The following TBC1D5 variants were observed in gnomAD, a reference collection of about 807,000 sequenced individuals.
The protein encoded by TBC1D5 is TBC1 domain family, member 5.
TBC1D5 carries 75 observed loss-of-function variants against 100.3 expected under a neutral mutation model. The ratio of observed to expected loss-of-function variants is 0.75; its 90% CI spans 0.62 to 0.91. TBC1D5 has a LOEUF of 0.91. TBC1D5 is among the 40% of genes least tolerant of loss of function. The probability of loss-of-function intolerance (pLI) is 0.00; values close to 1 mark genes in which losing one functional copy is unlikely to be tolerated. For synonymous variants in TBC1D5, 323 were observed against 325.6 expected (o/e 0.99, Z 0.09); for missense variants, 910 against 942.4 (o/e 0.97, Z 0.45).
intron 15 of TBC1D5, among the ~76,000 whole-genome samples, chr3:17,263,551 C>G (rs1327285506): frequency 2.0e-5 from 3 of 152,108 alleles, no homozygotes; most frequent in African/African-American, 7.2e-5. Flanking sequence ...AAGTATCACT[C>G]AACTCTTTTC....
intron 2 of TBC1D5, among the ~76,000 whole-genome samples, chr3:17,584,501 T>C (rs1047644668): frequency 6.6e-6 from 1 of 152,172 alleles, no homozygotes; most frequent in African/African-American, 2.4e-5. Flanking sequence ...GGTTTTAGGA[T>C]GGGGGAACGT....
chr3:17,670,499 G>T (rs531657213), intron 1 of TBC1D5, among the ~76,000 whole-genome samples: 21 of 152,266 alleles, frequency 1.4e-4, no homozygotes, highest in African/African-American at 4.6e-4. Context: ...CAGTGGAAAG[G>T]GGGATCTCAC....
At position 17,361,148 on chromosome 3, in the gene TBC1D5, A is replaced by G. The variant is rs190831260; in HGVS notation, c.995+10927T>C. 3.3e-5 allele frequency among the ~76,000 whole-genome samples: 5 copies of G among 152,148 alleles called. No individual in the cohort carries two copies. In the East Asian group the frequency reaches 9.7e-4, roughly 29 times the overall value. On this transcript the variant is annotated intron_variant, in intron 13 of 21. Coordinates refer to ENST00000253692, the Ensembl canonical transcript of TBC1D5. The stretch of plus-strand genomic sequence containing the variant: ...TTCACAATCAAGTCTCTATGTAACT[A>G]TTTACGTGACTGGAACGCTATTTCC...
chr3:17,233,351 C>T (rs1296220031), intron 17 of TBC1D5, among the ~76,000 whole-genome samples: 1 of 152,222 alleles, frequency 6.6e-6, no homozygotes, highest in Middle Eastern at 3.4e-3. Context: ...CACAGAGCAC[C>T]AGTGTAACAA....
chr3:17,395,957 G>A (rs950237564), intron 8 of TBC1D5, among the ~76,000 whole-genome samples: 5 of 152,060 alleles, frequency 3.3e-5, no homozygotes, highest in Non-Finnish European at 7.4e-5. Context: ...TAATTATTTT[G>A]CTTTTATCTT....
intron 13 of TBC1D5, among the ~76,000 whole-genome samples, chr3:17,327,733 T>G (rs2086326715): frequency 6.6e-6 from 1 of 152,200 alleles, no homozygotes; most frequent in Non-Finnish European, 1.5e-5. Flanking sequence ...TAACATTACC[T>G]ATATTTCATG....
At chr3:17,552,924 G>A (rs1262015754) in intron 2 of TBC1D5, among the ~76,000 whole-genome samples, 2 of 152,050 alleles carry the variant, frequency 1.3e-5, no homozygotes, top group East Asian at 3.8e-4. Context: ...ATATCCTAAC[G>A]CATAACATGA....
intron 1 of TBC1D5, among the ~76,000 whole-genome samples, chr3:17,715,045 T>A (rs1037498042): frequency 3.3e-5 from 5 of 152,228 alleles, no homozygotes; most frequent in African/African-American, 1.2e-4. Flanking sequence ...TTATGTATTA[T>A]CAGAATTATC....
chr3:17,538,747 C>T (rs1160940136), intron 2 of TBC1D5, among the ~76,000 whole-genome samples: 2 of 152,136 alleles, frequency 1.3e-5, no homozygotes, highest in South Asian at 2.1e-4. Flanking sequence ...TACCTAAAGA[C>T]TAGAAACCCA....
intron 18 of TBC1D5, among the ~76,000 whole-genome samples, chr3:17,188,684 C>T (rs906499142): frequency 1.3e-5 from 2 of 152,192 alleles, no homozygotes; most frequent in African/African-American, 4.8e-5. Flanking sequence ...TATATAATTA[C>T]ACATAAAAGA....
intron 1 of TBC1D5, among the ~76,000 whole-genome samples, chr3:17,719,454 A>G (rs1243342732): frequency 6.6e-6 from 1 of 152,184 alleles, no homozygotes; most frequent in Non-Finnish European, 1.5e-5. Context: ...AAACTTAAAA[A>G]TCTAGATTTC....
intron 3 of TBC1D5, among the ~76,000 whole-genome samples, chr3:17,445,557 C>A (rs925857639): frequency 6.6e-6 from 1 of 152,046 alleles, no homozygotes; most frequent in East Asian, 1.9e-4. Context: ...TCTTGCTTTC[C>A]GTAGTTTCAG....
chr3:17,310,986 C>T (rs373567045), intron 13 of TBC1D5, among the ~76,000 whole-genome samples: 1 of 151,904 alleles, frequency 6.6e-6, no homozygotes, highest in Non-Finnish European at 1.5e-5. Flanking sequence ...ATTTCCTGTG[C>T]TATTTTGGGC....
chr3:17,492,939 A>C (rs2095657012), intron 3 of TBC1D5, among the ~76,000 whole-genome samples: 1 of 152,114 alleles, frequency 6.6e-6, no homozygotes, highest in South Asian at 2.1e-4. Flanking sequence ...ATTTACATTT[A>C]AGATTAATAT....
intron 3 of TBC1D5, among the ~76,000 whole-genome samples, chr3:17,469,876 T>C (rs1454767766): frequency 6.6e-6 from 1 of 152,248 alleles, no homozygotes; most frequent in Non-Finnish European, 1.5e-5. Flanking sequence ...TTTATTAGGA[T>C]ATATAACTTA....
At chr3:17,641,755 T>C (rs114296043) in intron 1 of TBC1D5, among the ~76,000 whole-genome samples, 142 of 152,308 alleles carry the variant, frequency 9.3e-4, no homozygotes, top group South Asian at 7.7e-3. Context: ...GTTCTAACTT[T>C]ATGTTAATTG....
intron 2 of TBC1D5, among the ~76,000 whole-genome samples, chr3:17,539,101 G>C (rs900933867): frequency 3.3e-5 from 5 of 152,148 alleles, no homozygotes; most frequent in Admixed American, 2.0e-4. Context: ...CACAAGAATC[G>C]TGTGAACCTC....
Position 17,717,978 on chromosome 3 carries a change from A to C in TBC1D5, c.-101+21365T>G, listed in dbSNP as rs1448073394. Among the ~76,000 whole-genome samples, 9 of 152,278 alleles carry C rather than the reference A, an allele frequency of 5.9e-5. No homozygotes were observed. In the South Asian group the frequency reaches 1.9e-3, roughly 32 times the overall value. On this transcript the variant is annotated intron_variant, in intron 1 of 21. Coordinates refer to ENST00000253692, the Ensembl canonical transcript of TBC1D5. ...TGCTCTAGAATTCAACCCTACTAAG[A>C]GAGTGCTGAAATGACAAGAGTGGTT...
At chr3:17,411,457 T>C (rs1320056003) in intron 4 of TBC1D5, among the ~76,000 whole-genome samples, 1 of 152,144 alleles carries the variant, frequency 6.6e-6, no homozygotes, top group Non-Finnish European at 1.5e-5. Context: ...GCTTGTAGTC[T>C]GTGAACAACA....
Sources: allele counts gnomAD v4.1 joint callset (sites outside exome capture counted in the v4.1 genomes callset), GRCh38; gene constraint gnomAD v4.1.1; transcripts MANE v1.5; gene names NCBI Gene and HGNC (gene_info 2026-07-23, HGNC 2026-07-21).